The following CENPP variants were observed in gnomAD, a reference collection of about 807,000 sequenced individuals.
The protein encoded by CENPP is centromere protein P.
A neutral mutation model predicts 35.6 loss-of-function variants in CENPP; 24 were observed. The ratio of observed to expected loss-of-function variants is 0.67; its 90% CI spans 0.49 to 0.95. CENPP has a LOEUF of 0.95. Ranked by LOEUF, CENPP falls within the 40% of genes least tolerant of loss-of-function variation. CENPP has a pLI of 0.00. For missense variants in CENPP, 332 were observed against 345.3 expected, an observed-to-expected ratio of 0.96 and a Z score of 0.31; for synonymous variants, 120 against 125.5, an observed-to-expected ratio of 0.96 and a Z score of 0.29.
chr9:92,491,709 T>G (rs966413143), intron 5 of CENPP, among the ~76,000 whole-genome samples: 21 of 152,212 alleles, frequency 1.4e-4, no homozygotes, highest in Admixed American at 1.1e-3. Context: ...GTGCCCCTTA[T>G]CTGACAAGAT....
rs377468824 is a variant in CENPP at position 92,505,785 on chromosome 9, T to C, written c.565-105529T>C. ...AATGTCATGTGAAATGGCCGGTTTA[T>C]TTGGAGGGCAAATACAGTTTTTTTT... On this transcript the variant is annotated intron_variant, in intron 5 of 7. Coordinates refer to ENST00000375587, the MANE Select transcript of CENPP (RefSeq NM_001012267.3). 2.5e-5 allele frequency: 25 copies of C among 1,019,518 alleles called. No homozygotes were observed. In the East Asian group the frequency reaches 5.8e-4, roughly 24 times the overall value. The allele number at this position is 1,019,518 out of a possible 1,614,324, so 63.2% of individuals were successfully genotyped here. A position where few individuals can be genotyped will look rare whatever the true frequency, so the allele number is the denominator to read the frequency against.
intron 5 of CENPP, among the ~76,000 whole-genome samples, chr9:92,518,988 G>A (rs1847899814): frequency 6.6e-6 from 1 of 152,120 alleles, no homozygotes; most frequent in Non-Finnish European, 1.5e-5. Flanking sequence ...AGCTAAGCAG[G>A]CCATTAGAAA....
chr9:92,550,135 C>T (rs562180308), intron 5 of CENPP, among the ~76,000 whole-genome samples: 2 of 152,276 alleles, frequency 1.3e-5, no homozygotes, highest in East Asian at 1.9e-4. Flanking sequence ...TGGTGGCTCA[C>T]GCCTACAATC....
chr9:92,502,647 T>C, intron 5 of CENPP: 1 of 1,563,044 alleles, frequency 6.4e-7, no homozygotes. Flanking sequence ...TTTCTAGGTA[T>C]AATTCCTATA....
chr9:92,528,575 GTC>G (rs1286689171), intron 5 of CENPP, among the ~76,000 whole-genome samples: 1 of 152,102 alleles, frequency 6.6e-6, no homozygotes, highest in African/African-American at 2.4e-5. Context: ...AAAAAAACAG[GTC>G]TCTGGAGCTT....
intron 4 of CENPP, 150 bp downstream of exon 4, chr9:92,345,937 C>T (rs188383267): frequency 3.2e-5 from 18 of 559,478 alleles, no homozygotes; most frequent in Non-Finnish European, 5.3e-5. Flanking sequence ...AGCCCATATT[C>T]TCTATATCTA....
At chr9:92,464,728 G>A (rs1357164172) in intron 5 of CENPP, 1 of 689,152 alleles carries the variant, frequency 1.5e-6, no homozygotes, top group African/African-American at 1.8e-5. Flanking sequence ...AAAAAAAATT[G>A]TGGCTTAATT....
chr9:92,534,977 C>T (rs1207716465), intron 5 of CENPP, among the ~76,000 whole-genome samples: 1 of 152,156 alleles, frequency 6.6e-6, no homozygotes, highest in Non-Finnish European at 1.5e-5. Context: ...ATCCTGAAAG[C>T]ACTCACTTAT....
At chr9:92,513,486 A>G (rs1847488584) in intron 5 of CENPP, among the ~76,000 whole-genome samples, 1 of 152,140 alleles carries the variant, frequency 6.6e-6, no homozygotes, top group Non-Finnish European at 1.5e-5. Flanking sequence ...CCACACAAAC[A>G]TCTGTACGTG....
chr9:92,588,533 G>A (rs1478110640), intron 5 of CENPP, among the ~76,000 whole-genome samples: 1 of 151,940 alleles, frequency 6.6e-6, no homozygotes, highest in Non-Finnish European at 1.5e-5. Context: ...GATTACAGGC[G>A]TGAGCCACTG....
chr9:92,377,039 A>C (rs1842140005), intron 4 of CENPP, among the ~76,000 whole-genome samples: 1 of 152,064 alleles, frequency 6.6e-6, no homozygotes, highest in African/African-American at 2.4e-5. Flanking sequence ...TCTCAAAAAA[A>C]AAAAAAGAAA....
chr9:92,401,184 T>G (rs772687431), intron 5 of CENPP: 9 of 1,419,882 alleles, frequency 6.3e-6, no homozygotes, highest in Non-Finnish European at 8.9e-6. Context: ...AGTTTCTTTT[T>G]CCTATTGGAA....
chr9:92,435,480 A>T (rs1844225166), intron 5 of CENPP, among the ~76,000 whole-genome samples: 1 of 152,172 alleles, frequency 6.6e-6, no homozygotes, highest in Non-Finnish European at 1.5e-5. Flanking sequence ...TACAATCAGG[A>T]TATTGAGGTT....
chr9:92,353,914 T>G (rs183976020), intron 4 of CENPP, among the ~76,000 whole-genome samples: 142 of 152,308 alleles, frequency 9.3e-4, no homozygotes, highest in Admixed American at 4.6e-3. Context: ...CTGGAGAGAT[T>G]TGCCCCAGCT....
intron 5 of CENPP, among the ~76,000 whole-genome samples, chr9:92,546,496 A>G (rs1251508134): frequency 3.9e-5 from 6 of 152,184 alleles, no homozygotes; most frequent in African/African-American, 1.2e-4. Context: ...ACTGGGAGAA[A>G]AGAACAACTC....
At chr9:92,410,446 G>A (rs1045950061) in intron 5 of CENPP, among the ~76,000 whole-genome samples, 5 of 152,156 alleles carry the variant, frequency 3.3e-5, no homozygotes, top group African/African-American at 1.2e-4. Flanking sequence ...CACACTCTGG[G>A]GCAGGGAAGC....
chr9:92,600,254 T>C lies in CENPP; in HGVS notation c.565-11060T>C, dbSNP rs1416432262. ...GGCGTGGGATCTGGCTTCTGGCCTG[T>C]CATTTGCTGTCTCCTGCCCTGGCTC... is the stretch of plus-strand genomic sequence containing the variant. On this transcript the variant is annotated intron_variant, in intron 5 of 7. Coordinates refer to ENST00000375587, the MANE Select transcript of CENPP (RefSeq NM_001012267.3). 7.9e-6 allele frequency: 11 copies of C among 1,393,344 alleles called. No homozygotes were observed. In the East Asian group the frequency reaches 2.6e-4, roughly 33 times the overall value. The allele number at this position is 1,393,344 out of a possible 1,614,324, so 86.3% of individuals were successfully genotyped here.
Position 92,515,226 on chromosome 9 carries a change from G to T in CENPP, c.565-96088G>T, listed in dbSNP as rs374607796. On this transcript the variant is annotated intron_variant, in intron 5 of 7. Coordinates refer to ENST00000375587, the MANE Select transcript of CENPP (RefSeq NM_001012267.3). Reference sequence around the variant, plus strand: ...AGACTAATGACCACGCAAGGATGAGGTAGCAGAGATAAGTTGATGATATTA... The same window carrying T: ...AGACTAATGACCACGCAAGGATGAGTTAGCAGAGATAAGTTGATGATATTA... 3.0e-3 allele frequency: 4,540 copies of T among 1,501,114 alleles called. 11 individuals are homozygous for T. Among genetic ancestry groups the T allele is most frequent in the Non-Finnish European group, 3.7e-3 (4,153 of 1,128,448 alleles). 93.0% of individuals were successfully genotyped at this position (1,501,114 alleles called of 1,614,324 possible).
At chr9:92,390,587 T>TGTGTGTGTGTGTGCGC (rs749697394) in intron 5 of CENPP, among the ~76,000 whole-genome samples, 3 of 141,814 alleles carry the variant, frequency 2.1e-5, no homozygotes, top group Non-Finnish European at 4.7e-5. Flanking sequence ...TGTGTGTGTG[T>TGTGTGTGTGTGTGCGC]GCGCGCGCGC....
Sources: gnomAD v4.1 joint callset for allele counts (sites outside exome capture counted in the v4.1 genomes callset) on GRCh38, gnomAD v4.1.1 for gene constraint, MANE v1.5 for transcripts, NCBI Gene and HGNC (gene_info 2026-07-23, HGNC 2026-07-21) for gene names.